Variants in ARHGEF18 observed in about 807,000 individuals in gnomAD.
ARHGEF18 encodes Rho/Rac guanine nucleotide exchange factor 18.
ARHGEF18 carries 93 observed loss-of-function variants against 155.7 expected under a neutral mutation model. That is an observed-to-expected ratio of 0.60 (90% confidence interval 0.50 to 0.71). The LOEUF is 0.71. ARHGEF18 is among the 30% of genes least tolerant of loss of function. The pLI, the probability that ARHGEF18 is intolerant of heterozygous loss-of-function variation, is 0.00. For synonymous variants in ARHGEF18, 742 were observed against 753.1 expected (o/e 0.99, Z 0.24); for missense variants, 1,593 against 1,816.1 (o/e 0.88, Z 2.23).
At chr19:7,422,451 A>G (rs1260513154) in intron 10 of ARHGEF18, among the ~76,000 whole-genome samples, 1 of 148,244 alleles carries the variant, frequency 6.7e-6, no homozygotes, top group African/African-American at 2.5e-5. Flanking sequence ...CCACTGTCCT[A>G]TCCTGGAATG....
At chr19:7,390,812 AGG>A (rs1416902436) in intron 10 of ARHGEF18, 1 of 152,052 alleles carries the variant, frequency 6.6e-6, no homozygotes, top group Non-Finnish European at 1.5e-5. Flanking sequence ...GAGGCCGAGG[AGG>A]GAAGATCACG....
chr19:7,467,814 T>TA, intron 26 of ARHGEF18, 130 bp downstream of exon 26: 1 of 906,720 alleles, frequency 1.1e-6, no homozygotes, highest in South Asian at 2.0e-5. Context: ...CGGCACAAGA[T>TA]ACCCTTGCAT....
chr19:7,453,210 C>G (rs764632655), intron 16 of ARHGEF18, among the ~76,000 whole-genome samples: 14 of 151,926 alleles, frequency 9.2e-5, no homozygotes, highest in South Asian at 2.1e-4. Flanking sequence ...TACCCTCCCC[C>G]CCCCAAAAAA....
the ARHGEF18 span, chr19:7,478,299 A>G: frequency 6.2e-7 from 1 of 1,609,098 alleles, no homozygotes; most frequent in African/African-American, 1.3e-5. Flanking sequence ...CTGCTGGGTG[A>G]TCACGGGCTC....
At chr19:7,403,499 G>T (rs1193141603) in intron 10 of ARHGEF18, among the ~76,000 whole-genome samples, 1 of 150,878 alleles carries the variant, frequency 6.6e-6, no homozygotes, top group Non-Finnish European at 1.5e-5. Flanking sequence ...CGATTGCAAG[G>T]TTCATTTACG....
rs1472216638 is a variant in ARHGEF18, at chr19:7,470,312, C to G, written c.*14C>G. The G allele has an allele frequency of 6.6e-7, 1 of 1,505,048 alleles. No homozygotes were observed. Among genetic ancestry groups the G allele is most frequent in the Admixed American group, 2.3e-5 (1 of 44,234 alleles). The allele number at this position is 1,505,048 out of a possible 1,614,324, so 93.2% of individuals were successfully genotyped here. ...ATCTTCTTCTAAAAGGGCCGTGACT[C>G]AAGGTGCAAGGCCCCTCCCTGCCCT... On this transcript the variant is annotated 3_prime_UTR_variant, in exon 29 of 29. Coordinates refer to ENST00000668164, the MANE Select transcript of ARHGEF18 (RefSeq NM_001367823.1). The surrounding 1 kb of genome is among the most constrained non-coding windows in gnomAD (Gnocchi z 5.9).
At chr19:7,428,753 G>C (rs1973796784) in intron 10 of ARHGEF18, among the ~76,000 whole-genome samples, 1 of 152,102 alleles carries the variant, frequency 6.6e-6, no homozygotes. Context: ...CTGGGCCCCT[G>C]CAGGTCGAAC....
At chr19:7,464,958 C>T (rs1042223179) in intron 23 of ARHGEF18, among the ~76,000 whole-genome samples, 1 of 152,194 alleles carries the variant, frequency 6.6e-6, no homozygotes, top group South Asian at 2.1e-4. Context: ...CATCAACAGG[C>T]GAGGAACCCC....
intron 10 of ARHGEF18, among the ~76,000 whole-genome samples, chr19:7,437,951 C>T (rs893255598): frequency 6.6e-6 from 1 of 151,414 alleles, no homozygotes; most frequent in Non-Finnish European, 1.5e-5. Context: ...TCTGACAAAT[C>T]AGATTTCTAT....
chr19:7,397,413 G>A (rs543594850), intron 10 of ARHGEF18, among the ~76,000 whole-genome samples: 5 of 151,950 alleles, frequency 3.3e-5, no homozygotes, highest in African/African-American at 9.6e-5. Flanking sequence ...CTACAGACAC[G>A]CGCTTCCATG....
rs559727272 is a variant in ARHGEF18, at chr19:7,470,283, C to T, written c.4071C>T (p.Asp1357=). The change falls in exon 29 of 29, where the codon GAC becomes GAT. Residue 1357 remains aspartate, a synonymous_variant. Transcript: ENST00000668164. This position sits in a 1 kb window ranked among gnomAD's most constrained non-coding sequence, Gnocchi z 5.9. The stretch of plus-strand genomic sequence containing the variant: ...CCAAGGAGGACGCCAGCAAAGAAGA[C>T]GTCATCTTCTTCTAAAAGGGCCGTG... ...LSAKEDASKE[D]VIFF 3.3e-5 allele frequency: 51 copies of T among 1,538,990 alleles called. No individual in the cohort carries two copies. Among genetic ancestry groups the T allele is most frequent in the Admixed American group, 4.3e-5 (2 of 46,510 alleles).
chr19:7,401,932 A>G (rs536303741), intron 10 of ARHGEF18, among the ~76,000 whole-genome samples: 7 of 152,306 alleles, frequency 4.6e-5, no homozygotes, highest in Admixed American at 2.6e-4. Context: ...ATGGACCTGG[A>G]AAAAACTTGC....
intron 1 of ARHGEF18, among the ~76,000 whole-genome samples, chr19:7,353,384 T>A (rs1221047161): frequency 6.7e-6 from 1 of 150,350 alleles, no homozygotes; most frequent in East Asian, 2.0e-4. Context: ...AGGTCAGGAG[T>A]TCGAGACCAG....
intron 17 of ARHGEF18, among the ~76,000 whole-genome samples, chr19:7,455,362 T>G (rs1321304414): frequency 6.6e-6 from 1 of 152,166 alleles, no homozygotes; most frequent in Non-Finnish European, 1.5e-5. Context: ...GGCTGCAGTG[T>G]GAGAGAATTA....
chr19:7,423,154 T>C (rs906779789), intron 10 of ARHGEF18, among the ~76,000 whole-genome samples: 4 of 152,182 alleles, frequency 2.6e-5, no homozygotes, highest in African/African-American at 9.6e-5. Flanking sequence ...CGTTCCATTG[T>C]GCTGGGGTTT....
chr19:7,386,072 T>C (rs1330476152), intron 10 of ARHGEF18, among the ~76,000 whole-genome samples: 1 of 144,116 alleles, frequency 6.9e-6, no homozygotes, highest in Admixed American at 7.1e-5. Flanking sequence ...GGGGCTGGAG[T>C]GCAGTGGTGT....
At chr19:7,361,891 C>T (rs923912985) in intron 1 of ARHGEF18, among the ~76,000 whole-genome samples, 2 of 151,658 alleles carry the variant, frequency 1.3e-5, no homozygotes, top group Admixed American at 1.3e-4. Context: ...ACTCAGGAGG[C>T]TGAGGCAGGA....
chr19:7,463,931 G>C lies in ARHGEF18; in HGVS notation c.2749G>C (p.Asp917His). 1 of 1,593,722 alleles carries C rather than the reference G, an allele frequency of 6.3e-7. No individual in the cohort carries two copies. The highest frequency in any genetic ancestry group is 8.5e-7 in the Non-Finnish European group (1 of 1,170,710). Residue 917 changes from aspartate to histidine, a missense_variant, in exon 22 of 29, where the codon GAC (aspartate) becomes CAC (histidine). Physicochemically the swap from Asp to His is moderately conservative, Grantham distance 81. Coordinates refer to ENST00000668164, the MANE Select transcript of ARHGEF18 (RefSeq NM_001367823.1). The surrounding 1 kb of genome is among the most constrained non-coding windows in gnomAD (Gnocchi z 5.2). ...GAGGGCTGAGACCTTCGCGGGCTAC[G>C]ACTGCACAAACAGCCCCACCAAGAG... ...PRRAETFAGY[D>H]CTNSPTKNGS... is the part of the protein sequence containing the mutation.
Position 7,462,138 on chromosome 19 carries a change from C to G in ARHGEF18, c.2453-14C>G, listed in dbSNP as rs972178649. 1 of 1,613,562 alleles carries G rather than the reference C, an allele frequency of 6.2e-7. No homozygotes were observed. Among genetic ancestry groups the G allele is most frequent in the Non-Finnish European group, 8.5e-7 (1 of 1,179,984 alleles). ...CCGACCCGGCTGACTGCCACCTCCACCATCACTCTGCAGAGCGGTTGAGCA... is the reference window on the plus strand; with the variant it reads ...CCGACCCGGCTGACTGCCACCTCCAGCATCACTCTGCAGAGCGGTTGAGCA... On this transcript the variant is annotated splice_polypyrimidine_tract_variant and intron_variant, in intron 20 of 28. Coordinates refer to ENST00000668164, the MANE Select transcript of ARHGEF18 (RefSeq NM_001367823.1). This position sits in a 1 kb window ranked among gnomAD's most constrained non-coding sequence, Gnocchi z 4.4.
Sources: allele counts gnomAD v4.1 joint callset (sites outside exome capture counted in the v4.1 genomes callset), GRCh38; gene constraint gnomAD v4.1.1; non-coding constraint Gnocchi (gnomAD v3.1); transcripts MANE v1.5; gene names NCBI Gene and HGNC (gene_info 2026-07-23, HGNC 2026-07-21).